Variants in KDELR2 observed in about 807,000 individuals in gnomAD.
KDELR2 encodes ER lumen protein-retaining receptor 2.
A neutral mutation model predicts 23.9 loss-of-function variants in KDELR2; 15 were observed. The observed-to-expected ratio is 0.63, with a 90% CI of 0.42 to 0.97. KDELR2 has a LOEUF of 0.97. Ranked by LOEUF, KDELR2 falls within the 50% of genes least tolerant of loss-of-function variation. The pLI is 0.00. For missense variants in KDELR2, 272 were observed against 254.6 expected (o/e 1.07, Z -0.46); for synonymous variants, 119 against 106.2 (o/e 1.12, Z -0.74).
At chr7:6,465,340 C>T (rs1022065066) in intron 4 of KDELR2, among the ~76,000 whole-genome samples, 13 of 151,886 alleles carry the variant, frequency 8.6e-5, no homozygotes, top group Admixed American at 2.0e-4. Context: ...CCCACCACCA[C>T]GCCTGGCTAA....
chr7:6,482,643 A>T (rs982649351), intron 1 of KDELR2: 2 of 460,134 alleles, frequency 4.3e-6, no homozygotes, highest in Admixed American at 4.9e-5. Context: ...CAAAATTTTT[A>T]GAAATAAATC....
chr7:6,472,270 ACATT>A lies in KDELR2; in HGVS notation c.192+1910_192+1913del, dbSNP rs2115328369. ...CAGGACCTAGACTGTGGCCAGCTCA[ACATT>A]AATAAAAACTTGATGGGCGTTATTT... is the stretch of plus-strand genomic sequence containing the variant. On this transcript the variant is annotated intron_variant, in intron 2 of 4. Coordinates refer to ENST00000258739, the MANE Select transcript of KDELR2 (RefSeq NM_006854.4). 1.3e-5 allele frequency among the ~76,000 whole-genome samples: 2 copies of A among 152,308 alleles called. 1 individual carries two copies. The highest frequency in any genetic ancestry group is 4.1e-4 in the South Asian group (2 of 4,828).
Position 6,474,236 on chromosome 7 carries a change from C to T in KDELR2, c.140G>A (p.Arg47His), listed in dbSNP as rs1397558503. ...AAATGAAGTAAAAAGATCCAGGTAACGAGTTGTGAAGACCAGTGCAAACAG... is the reference window on the plus strand; with the variant it reads ...AAATGAAGTAAAAAGATCCAGGTAATGAGTTGTGAAGACCAGTGCAAACAG... ...QLLFALVFTT[R>H]YLDLFTSFIS... The change falls in exon 2 of 5, where the codon CGT (arginine) becomes CAT (histidine). Residue 47 changes from arginine (R) to histidine (H), a missense_variant. Physicochemically the swap from Arg to His is conservative, Grantham distance 29. Coordinates refer to ENST00000258739, the MANE Select transcript of KDELR2 (RefSeq NM_006854.4). 8 of 1,613,836 alleles carry T rather than the reference C, an allele frequency of 5.0e-6. No homozygotes were observed. Among genetic ancestry groups the T allele is most frequent in the East Asian group, 2.2e-5 (1 of 44,882 alleles).
chr7:6,479,193 T>G (rs1446966426), intron 1 of KDELR2, among the ~76,000 whole-genome samples: 1 of 152,182 alleles, frequency 6.6e-6, no homozygotes, highest in East Asian at 1.9e-4. Context: ...AGTCTCACTC[T>G]GTCACCCAAG....
chr7:6,472,836 TAGAAAGAAGGAA>T (rs1785679620), intron 2 of KDELR2, among the ~76,000 whole-genome samples: 1 of 151,092 alleles, frequency 6.6e-6, no homozygotes, highest in South Asian at 2.1e-4. Context: ...TCAGTATTTG[TAGAAAGAAGGAA>T]AGAAAGAAAG....
intron 4 of KDELR2, 28 bp downstream of exon 4, chr7:6,466,043 G>C: frequency 6.2e-7 from 1 of 1,609,488 alleles, no homozygotes. Flanking sequence ...CGTCACTCTA[G>C]AAACAACGCA....
intron 1 of KDELR2, among the ~76,000 whole-genome samples, chr7:6,479,110 C>G (rs898060498): frequency 6.6e-6 from 1 of 151,874 alleles, no homozygotes; most frequent in Non-Finnish European, 1.5e-5. Context: ...ATTTTCCTAT[C>G]ATTTCAACTA....
In KDELR2 at chr7:6,484,013, G is replaced by A. The variant is rs201051075; in HGVS notation, c.45C>T (p.Ala15=). The change falls in exon 1 of 5, where the codon GCC becomes GCT. Residue 15 remains alanine (A), a synonymous_variant. Coordinates refer to ENST00000258739, the MANE Select transcript of KDELR2 (RefSeq NM_006854.4). ...RLTGDLSHLA[A]IVILLLKIWK... ...AGATCTTCAGCAGCAGGATGACGAT[G>A]GCCGCCAGGTGGGACAGGTCCCCAG... 174 of 1,529,606 alleles carry A rather than the reference G, an allele frequency of 1.1e-4. No individual in the cohort carries two copies. The African/African-American group carries it at 2.1e-3, about 19-fold the overall frequency. The allele number at this position is 1,529,606 out of a possible 1,614,324, so 94.8% of individuals were successfully genotyped here.
chr7:6,464,610 TG>T (rs1785460675), intron 4 of KDELR2, among the ~76,000 whole-genome samples: 2 of 152,088 alleles, frequency 1.3e-5, no homozygotes, highest in Admixed American at 6.6e-5. Flanking sequence ...CAGACTCGCT[TG>T]AACTTGGGAG....
At chr7:6,472,715 T>C (rs1012631646) in intron 2 of KDELR2, among the ~76,000 whole-genome samples, 24 of 152,082 alleles carry the variant, frequency 1.6e-4, no homozygotes, top group African/African-American at 5.6e-4. Context: ...GAACACAAAA[T>C]GTTGGGGGGA....
At chr7:6,477,861 A>G (rs1345672530) in intron 1 of KDELR2, among the ~76,000 whole-genome samples, 1 of 152,208 alleles carries the variant, frequency 6.6e-6, no homozygotes, top group Non-Finnish European at 1.5e-5. Flanking sequence ...CCCAGATTAG[A>G]CTATACAACA....
At chr7:6,468,857 G>A (rs906197130) in intron 3 of KDELR2, among the ~76,000 whole-genome samples, 3 of 151,962 alleles carry the variant, frequency 2.0e-5, no homozygotes, top group Non-Finnish European at 4.4e-5. Context: ...CAGGCTGAAT[G>A]CCTGAACCTC....
In KDELR2 at chr7:6,466,055, G is replaced by A; in HGVS notation, c.604+16C>T. 6.2e-7 allele frequency: 1 copy of A among 1,612,376 alleles called. No homozygotes were observed. Among genetic ancestry groups the A allele is most frequent in the South Asian group, 1.1e-5 (1 of 90,916 alleles). On this transcript the variant is annotated intron_variant, in intron 4 of 4. Coordinates refer to ENST00000258739, the MANE Select transcript of KDELR2 (RefSeq NM_006854.4). ...ACACGTCACTCTAGAAACAACGCAG[G>A]TCGCACCCAACATACCTTTTGTAAT... is the stretch of plus-strand genomic sequence containing the variant.
chr7:6,471,624 G>T (rs1395710643), intron 2 of KDELR2, among the ~76,000 whole-genome samples: 1 of 152,166 alleles, frequency 6.6e-6, no homozygotes. Flanking sequence ...AGTGTGTGTT[G>T]TTTCACTTCA....
At chr7:6,480,616 A>T (rs1305476174) in intron 1 of KDELR2, among the ~76,000 whole-genome samples, 1 of 152,138 alleles carries the variant, frequency 6.6e-6, no homozygotes, top group African/African-American at 2.4e-5. Context: ...GGTAAAAAGC[A>T]CCATGGTTCC....
rs911372849 is a variant in KDELR2 at position 6,469,663 on chromosome 7, A to T, written c.284T>A (p.Val95Glu). 7 of 1,613,920 alleles carry T rather than the reference A, an allele frequency of 4.3e-6. No homozygotes were observed. The highest frequency in any genetic ancestry group is 1.6e-4 in the Middle Eastern group (1 of 6,084). ...TCCCACAGGGACCACCAGAAACTCC[A>T]CTCGGAAGGTATCATGATTTCCATC... ...TYDGNHDTFRVEFLVVPVGGL... is the reference protein window; with the variant it reads ...TYDGNHDTFREEFLVVPVGGL... Residue 95 changes from valine to glutamate, a missense_variant, in exon 3 of 5, where the codon GTG becomes GAG. Coordinates refer to ENST00000258739, the MANE Select transcript of KDELR2 (RefSeq NM_006854.4).
chr7:6,465,019 A>C (rs1785471438), intron 4 of KDELR2, among the ~76,000 whole-genome samples: 1 of 151,782 alleles, frequency 6.6e-6, no homozygotes. Context: ...TATAGGCGTG[A>C]GCCATCGCAC....
At chr7:6,483,892 G>T in intron 1 of KDELR2, 75 bp downstream of exon 1, 1 of 1,207,456 alleles carries the variant, frequency 8.3e-7, no homozygotes, top group South Asian at 2.1e-5. Flanking sequence ...GCCGTGGGGT[G>T]GCCGAGGTCG....
intron 1 of KDELR2, among the ~76,000 whole-genome samples, chr7:6,480,331 G>T (rs1785864130): frequency 6.6e-6 from 1 of 152,202 alleles, no homozygotes. Flanking sequence ...GGTTATGTAG[G>T]TCAGTGTTTA....
Sources: gnomAD v4.1 joint callset for allele counts (sites outside exome capture counted in the v4.1 genomes callset) on GRCh38, gnomAD v4.1.1 for gene constraint, MANE v1.5 for transcripts, NCBI Gene and HGNC (gene_info 2026-07-23, HGNC 2026-07-21) for gene names.